The following ASTN1 variants were observed in gnomAD, a reference collection of about 807,000 sequenced individuals.
The protein encoded by ASTN1 is astrotactin-1.
In ASTN1, 41 loss-of-function variants were observed where a neutral mutation model predicts 140.7. The observed-to-expected ratio is 0.29, with a 90% CI of 0.23 to 0.38. The LOEUF (loss-of-function observed/expected upper bound fraction) is 0.38. Ranked by LOEUF, ASTN1 falls within the 10% of genes least tolerant of loss-of-function variation. The pLI, the probability that ASTN1 is intolerant of heterozygous loss-of-function variation, is 1.00. For synonymous variants in ASTN1, 640 were observed against 652.2 expected (o/e 0.98, Z 0.29); for missense variants, 1,479 against 1,678.8 (o/e 0.88, Z 2.08).
Position 177,158,421 on chromosome 1 carries a change from A to G in ASTN1, c.283+5973T>C, listed in dbSNP as rs113675290. Among the ~76,000 whole-genome samples the G allele has an allele frequency of 2.4e-3, 370 of 152,300 alleles. 2 individuals are homozygous for G. The highest frequency in any genetic ancestry group is 8.0e-3 in the African/African-American group (334 of 41,570). On this transcript the variant is annotated intron_variant, in intron 1 of 22. Coordinates refer to ENST00000361833, the MANE Select transcript of ASTN1 (RefSeq NM_004319.3). Reference sequence around the variant, plus strand: ...GATGATAGGTGTCAATTTGTATAGTACATTCGAAATTTCCATAGACCTTAA... The same window carrying G: ...GATGATAGGTGTCAATTTGTATAGTGCATTCGAAATTTCCATAGACCTTAA...
intron 1 of ASTN1, among the ~76,000 whole-genome samples, chr1:177,150,481 A>C (rs1352898083): frequency 1.3e-5 from 2 of 152,170 alleles, no homozygotes; most frequent in Non-Finnish European, 2.9e-5. Context: ...ATTCTAATAA[A>C]AAGGTAGTTC....
At chr1:177,114,664 CTGTG>C (rs137914416) in intron 1 of ASTN1, among the ~76,000 whole-genome samples, 3 of 150,768 alleles carry the variant, frequency 2.0e-5, no homozygotes, top group Non-Finnish European at 3.0e-5. Flanking sequence ...GTATGTGGTG[CTGTG>C]TGTGTGTGTG....
intron 1 of ASTN1, among the ~76,000 whole-genome samples, chr1:177,106,786 A>T (rs991394048): frequency 6.6e-6 from 1 of 152,208 alleles, no homozygotes; most frequent in Admixed American, 6.5e-5. Flanking sequence ...AATGATAGCA[A>T]CAGTGAGGCA....
chr1:176,966,839 T>G (rs1387628349), intron 8 of ASTN1, among the ~76,000 whole-genome samples: 2 of 151,978 alleles, frequency 1.3e-5, no homozygotes, highest in African/African-American at 4.8e-5. Context: ...ATATTAACAG[T>G]TATATCATTA....
At position 177,010,567 on chromosome 1, in the gene ASTN1, G is replaced by A. The variant is rs143773486; in HGVS notation, c.1523+4224C>T. On this transcript the variant is annotated intron_variant, in intron 8 of 22. Coordinates refer to ENST00000361833, the MANE Select transcript of ASTN1 (RefSeq NM_004319.3). ...TACTCTTAGTGAATAGGACCTTCTTGTGCACTGAATTCAATGATCTTGTAA... is the reference window on the plus strand; with the variant it reads ...TACTCTTAGTGAATAGGACCTTCTTATGCACTGAATTCAATGATCTTGTAA... 7.9e-5 allele frequency among the ~76,000 whole-genome samples: 12 copies of A among 152,268 alleles called. No homozygotes were observed. In the East Asian group the frequency reaches 2.3e-3, roughly 29 times the overall value.
At chr1:176,899,309 C>A (rs897853683) in intron 16 of ASTN1, among the ~76,000 whole-genome samples, 2 of 152,128 alleles carry the variant, frequency 1.3e-5, no homozygotes, top group African/African-American at 2.4e-5. Flanking sequence ...TAGTGGCCCA[C>A]CTAAATTCAG....
chr1:176,916,474 T>G (rs1431772418), intron 16 of ASTN1, among the ~76,000 whole-genome samples: 2 of 152,158 alleles, frequency 1.3e-5, no homozygotes, highest in Non-Finnish European at 2.9e-5. Context: ...ACATTCTTAC[T>G]TTGCCATCAT....
rs1668013976 is a variant in ASTN1 at position 176,862,932 on chromosome 1, G to A, written c.*1352C>T. On this transcript the variant is annotated 3_prime_UTR_variant, in exon 23 of 23. Coordinates refer to ENST00000361833, the MANE Select transcript of ASTN1 (RefSeq NM_004319.3). Reference sequence around the variant, plus strand: ...TTCCAGATGAGGAGCCCTGGTCAAAGGCATGGTGGCTGAAGGTGTGTGTTC... The same window carrying A: ...TTCCAGATGAGGAGCCCTGGTCAAAAGCATGGTGGCTGAAGGTGTGTGTTC... 1 of 985,338 alleles carries A rather than the reference G, an allele frequency of 1.0e-6. No individual in the cohort carries two copies. Among genetic ancestry groups the A allele is most frequent in the East Asian group, 1.1e-4 (1 of 8,822 alleles). 61.0% of individuals were successfully genotyped at this position (985,338 alleles called of 1,614,324 possible). A position where few individuals can be genotyped will look rare whatever the true frequency, so the allele number is the denominator to read the frequency against.
At chr1:177,053,641 A>G (rs1326090385) in intron 2 of ASTN1, among the ~76,000 whole-genome samples, 2 of 152,256 alleles carry the variant, frequency 1.3e-5, no homozygotes, top group Non-Finnish European at 2.9e-5. Flanking sequence ...TAAAAAATCA[A>G]TATGTCAATA....
At position 177,045,320 on chromosome 1, in the gene ASTN1, C is replaced by T. The variant is rs145766737; in HGVS notation, c.472-12471G>A. The stretch of plus-strand genomic sequence containing the variant: ...CCCAGCCTTAGCAGAATGTCTAGCA[C>T]GGGGCTGACACTCAGTGAATGCTAC... On this transcript the variant is annotated intron_variant, in intron 2 of 22. Coordinates refer to ENST00000361833, the MANE Select transcript of ASTN1 (RefSeq NM_004319.3). Among the ~76,000 whole-genome samples the T allele has an allele frequency of 3.9e-4, 59 of 152,316 alleles. 1 individual carries two copies. The highest frequency in any genetic ancestry group is 1.1e-3 in the African/African-American group (46 of 41,570).
chr1:177,055,994 C>T (rs1018789207), intron 2 of ASTN1, among the ~76,000 whole-genome samples: 1 of 152,182 alleles, frequency 6.6e-6, no homozygotes, highest in African/African-American at 2.4e-5. Flanking sequence ...AACTGCTCCT[C>T]TCTACATTGG....
intron 2 of ASTN1, among the ~76,000 whole-genome samples, chr1:177,041,436 C>T (rs1676966858): frequency 6.6e-6 from 1 of 152,194 alleles, no homozygotes; most frequent in Non-Finnish European, 1.5e-5. Flanking sequence ...GAAGCAGAAG[C>T]ACTCCAGGTC....
chr1:176,899,721 T>A (rs941837713), intron 16 of ASTN1, among the ~76,000 whole-genome samples: 6 of 152,050 alleles, frequency 3.9e-5, no homozygotes, highest in African/African-American at 1.4e-4. Context: ...CCAGATGTCC[T>A]CGAGTCATCA....
At chr1:176,979,818 G>A (rs377272955) in intron 8 of ASTN1, among the ~76,000 whole-genome samples, 1 of 152,160 alleles carries the variant, frequency 6.6e-6, no homozygotes, top group African/African-American at 2.4e-5. Flanking sequence ...CTGTTTGTAT[G>A]TGTGTGTATG....
intron 16 of ASTN1, among the ~76,000 whole-genome samples, chr1:176,900,921 T>G (rs12406916): frequency 6.6e-6 from 1 of 152,114 alleles, no homozygotes; most frequent in Non-Finnish European, 1.5e-5. Flanking sequence ...CCACATGCCT[T>G]ATATGTAATA....
intron 8 of ASTN1, among the ~76,000 whole-genome samples, chr1:176,985,887 C>T (rs2101889104): frequency 6.6e-6 from 1 of 151,080 alleles, no homozygotes; most frequent in Admixed American, 6.6e-5. Context: ...CACACACACA[C>T]ACACACACAG....
chr1:177,032,151 A>T (rs1205426062), intron 3 of ASTN1, among the ~76,000 whole-genome samples: 1 of 152,204 alleles, frequency 6.6e-6, no homozygotes, highest in African/African-American at 2.4e-5. Flanking sequence ...CTCATTTCCC[A>T]GAGGGTTGCT....
At chr1:177,100,125 C>G (rs1006735633) in intron 1 of ASTN1, among the ~76,000 whole-genome samples, 1 of 152,094 alleles carries the variant, frequency 6.6e-6, no homozygotes, top group East Asian at 1.9e-4. Flanking sequence ...ACACCACACT[C>G]TACTATAAAC....
chr1:176,914,526 A>C (rs1360582311), intron 16 of ASTN1, among the ~76,000 whole-genome samples: 4 of 152,202 alleles, frequency 2.6e-5, no homozygotes, highest in Non-Finnish European at 4.4e-5. Context: ...ATTTACATAA[A>C]TAGGCTAGGG....
Sources: gnomAD v4.1 joint callset for allele counts (sites outside exome capture counted in the v4.1 genomes callset) on GRCh38, gnomAD v4.1.1 for gene constraint, MANE v1.5 for transcripts, NCBI Gene and HGNC (gene_info 2026-07-23, HGNC 2026-07-21) for gene names.